Variants in STPG2 observed in about 807,000 individuals in gnomAD.
STPG2 encodes sperm-tail PG-rich repeat-containing protein 2.
In STPG2, 56 loss-of-function variants were observed where a neutral mutation model predicts 54.2. The observed-to-expected ratio is 1.03, with a 90% CI of 0.83 to 1.29. The LOEUF (loss-of-function observed/expected upper bound fraction) is 1.29. Ranked by LOEUF, STPG2 falls within the 50% of genes most tolerant of loss-of-function variation. The pLI is 0.00. For missense variants in STPG2, 596 were observed against 544.9 expected (o/e 1.09, Z -0.93); for synonymous variants, 200 against 181.8 (o/e 1.10, Z -0.81).
intron 8 of STPG2, among the ~76,000 whole-genome samples, chr4:97,910,669 T>A (rs1191508201): frequency 1.3e-5 from 2 of 152,074 alleles, no homozygotes; most frequent in Non-Finnish European, 2.9e-5. Context: ...AGAACGCATT[T>A]CAAAAGTACT....
chr4:97,521,031 T>G (rs1731169910), intron 4 of STPG2, among the ~76,000 whole-genome samples: 1 of 152,034 alleles, frequency 6.6e-6, no homozygotes, highest in African/African-American at 2.4e-5. Context: ...GTTATTAAAT[T>G]TTTTAAATGT....
intron 8 of STPG2, among the ~76,000 whole-genome samples, chr4:97,866,991 C>A (rs1338552240): frequency 6.6e-6 from 1 of 151,898 alleles, no homozygotes; most frequent in East Asian, 1.9e-4. Flanking sequence ...GGCAACCTCT[C>A]AGTTAAACAA....
chr4:98,094,322 C>T lies in STPG2; in HGVS notation c.612+11631G>A, dbSNP rs148261383. 5.1e-3 allele frequency among the ~76,000 whole-genome samples: 783 copies of T among 152,290 alleles called. 10 individuals are homozygous for T. The highest frequency in any genetic ancestry group is 0.018 in the African/African-American group (750 of 41,566). ...AAAGGCATGATTCATTACCTGCTGA[C>T]TAAAGAGCCCTTGGGCCCTGAATAA... is the stretch of plus-strand genomic sequence containing the variant. On this transcript the variant is annotated intron_variant, in intron 5 of 10. Coordinates refer to ENST00000295268, the MANE Select transcript of STPG2 (RefSeq NM_174952.3).
At chr4:97,737,664 A>C (rs1345045433) in intron 9 of STPG2, among the ~76,000 whole-genome samples, 1 of 152,188 alleles carries the variant, frequency 6.6e-6, no homozygotes, top group African/African-American at 2.4e-5. Flanking sequence ...TTAGAGAAAA[A>C]AAAATAAAAA....
At chr4:97,638,031 G>A (rs1011243271) in intron 10 of STPG2, among the ~76,000 whole-genome samples, 16 of 151,936 alleles carry the variant, frequency 1.1e-4, no homozygotes, top group African/African-American at 2.7e-4. Context: ...AGCCCGCATC[G>A]CCAAGTCAAT....
intron 10 of STPG2, among the ~76,000 whole-genome samples, chr4:97,616,138 T>C (rs935734375): frequency 9.0e-5 from 12 of 132,738 alleles, no homozygotes; most frequent in Admixed American, 5.2e-4. Flanking sequence ...CCATGTTAAG[T>C]GCAGTTTTCA....
At chr4:98,041,855 G>A (rs28887893) in intron 5 of STPG2, among the ~76,000 whole-genome samples, 59,832 of 151,720 alleles carry the variant, frequency 0.39, 12,023 homozygotes, top group Middle Eastern at 0.46. Context: ...TGTAAAATGA[G>A]TTAGGGAGGA....
chr4:98,085,593 G>C (rs1430560422), intron 5 of STPG2, among the ~76,000 whole-genome samples: 2 of 152,004 alleles, frequency 1.3e-5, no homozygotes, highest in African/African-American at 4.8e-5. Flanking sequence ...TTTTTGTGCA[G>C]AGGCATTGTT....
At chr4:97,970,450 A>C (rs896139857) in intron 7 of STPG2, among the ~76,000 whole-genome samples, 1 of 152,358 alleles carries the variant, frequency 6.6e-6, no homozygotes, top group African/African-American at 2.4e-5. Flanking sequence ...TGCTACTGGT[A>C]CCAAAACAGA....
chr4:98,031,099 A>T (rs1430913385), intron 5 of STPG2, among the ~76,000 whole-genome samples: 1 of 152,198 alleles, frequency 6.6e-6, no homozygotes, highest in African/African-American at 2.4e-5. Flanking sequence ...CCCAGAAATA[A>T]ACCCAAATAC....
chr4:97,476,472 T>C (rs1212504495), intron 4 of STPG2, among the ~76,000 whole-genome samples: 2 of 152,174 alleles, frequency 1.3e-5, no homozygotes, highest in African/African-American at 4.8e-5. Flanking sequence ...GTTATTCATA[T>C]CTCACATTGT....
chr4:97,801,197 A>G (rs1489343965), intron 9 of STPG2, among the ~76,000 whole-genome samples: 1 of 152,016 alleles, frequency 6.6e-6, no homozygotes, highest in Non-Finnish European at 1.5e-5. Context: ...TCCTGCACCC[A>G]CCGTCCAGCA....
chr4:97,942,855 TTTG>T, intron 8 of STPG2, among the ~76,000 whole-genome samples: 1 of 152,350 alleles, frequency 6.6e-6, no homozygotes, highest in East Asian at 1.9e-4. Flanking sequence ...TGTTTTGAAA[TTTG>T]TTATTAACAA....
At chr4:97,524,041 A>G (rs1731233048) in intron 4 of STPG2, among the ~76,000 whole-genome samples, 1 of 151,816 alleles carries the variant, frequency 6.6e-6, no homozygotes, top group Non-Finnish European at 1.5e-5. Flanking sequence ...CTGATCAGGC[A>G]TCCAACAAAG....
chr4:97,612,894 A>G (rs1440960044), intron 10 of STPG2, among the ~76,000 whole-genome samples: 1 of 152,088 alleles, frequency 6.6e-6, no homozygotes, highest in East Asian at 1.9e-4. Context: ...AACTATTTAT[A>G]TAATGATAAT....
At chr4:97,474,122 T>A (rs553114154) in intron 4 of STPG2, among the ~76,000 whole-genome samples, 1 of 152,260 alleles carries the variant, frequency 6.6e-6, no homozygotes, top group East Asian at 1.9e-4. Flanking sequence ...GGTTTATTGA[T>A]TATAACAAAT....
intron 3 of STPG2, among the ~76,000 whole-genome samples, chr4:98,127,294 T>G (rs979743786): frequency 6.6e-6 from 1 of 152,174 alleles, no homozygotes; most frequent in African/African-American, 2.4e-5. Context: ...ATTTTCACAG[T>G]ATCTATGTGT....
chr4:97,525,758 G>A (rs1262898671), intron 4 of STPG2, among the ~76,000 whole-genome samples: 1 of 151,888 alleles, frequency 6.6e-6, no homozygotes, highest in Non-Finnish European at 1.5e-5. Flanking sequence ...ACAATTCTAA[G>A]TATATTCAAA....
chr4:97,657,406 TTATTTTGGTGAG>T (rs1401171870), intron 10 of STPG2, among the ~76,000 whole-genome samples: 1 of 152,194 alleles, frequency 6.6e-6, no homozygotes, highest in Non-Finnish European at 1.5e-5. Flanking sequence ...TATTTCTTCT[TTATTTTGGTGAG>T]TATAAGGGAA....
Sources: gnomAD v4.1 joint callset for allele counts (sites outside exome capture counted in the v4.1 genomes callset) on GRCh38, gnomAD v4.1.1 for gene constraint, MANE v1.5 for transcripts, NCBI Gene and HGNC (gene_info 2026-07-23, HGNC 2026-07-21) for gene names.